SEH1L: variants seen among roughly 807,000 people sequenced by gnomAD.
SEH1L encodes the protein SEH1 like nucleoporin.
SEH1L carries 18 observed loss-of-function variants against 49.5 expected under a neutral mutation model. The ratio of observed to expected loss-of-function variants is 0.36; its 90% confidence interval spans 0.25 to 0.54. The LOEUF is 0.54. Among genes scored for constraint, SEH1L ranks in the 20% least tolerant of loss-of-function variants. The probability of loss-of-function intolerance (pLI) is 0.87; values close to 1 mark genes in which losing one functional copy is unlikely to be tolerated. For synonymous variants in SEH1L, 169 were observed against 178.1 expected, an observed-to-expected ratio of 0.95 and a Z score of 0.41; for missense variants, 404 against 528.8, an observed-to-expected ratio of 0.76 and a Z score of 2.31.
intron 2 of SEH1L, among the ~76,000 whole-genome samples, chr18:12,952,796 T>TC (rs2030623774): frequency 2.0e-5 from 3 of 150,066 alleles, no homozygotes; most frequent in Admixed American, 2.0e-4. Flanking sequence ...TTTTTTTTTT[T>TC]TTTGAGCTGG....
At chr18:12,970,093 T>C (rs1476095115) in intron 4 of SEH1L, among the ~76,000 whole-genome samples, 1 of 152,170 alleles carries the variant, frequency 6.6e-6, no homozygotes, top group Non-Finnish European at 1.5e-5. Flanking sequence ...AAGAACTAAT[T>C]TTTTTTGTCA....
At position 12,968,059 on chromosome 18, in the gene SEH1L, C is replaced by T. The variant is rs185495353; in HGVS notation, c.522-3094C>T. 2.0e-4 allele frequency among the ~76,000 whole-genome samples: 31 copies of T among 152,224 alleles called. No individual in the cohort carries two copies. The East Asian group carries it at 5.0e-3, about 25-fold the overall frequency. On this transcript the variant is annotated intron_variant, in intron 4 of 8. Transcript: ENST00000399892. Reference sequence around the variant, plus strand: ...TGTTTTCTCAAATATCAGTTCTTTTCGTGTGCCTTGGTCTTTATCTTCTGC... The same window carrying T: ...TGTTTTCTCAAATATCAGTTCTTTTTGTGTGCCTTGGTCTTTATCTTCTGC...
At chr18:12,980,737 CA>C (rs1296964919) in intron 6 of SEH1L, among the ~76,000 whole-genome samples, 13 of 54,972 alleles carry the variant, frequency 2.4e-4, no homozygotes, top group African/African-American at 3.5e-4. Flanking sequence ...GCTGGCCGGG[CA>C]GAGGGGCTCC....
intron 1 of SEH1L, 180 bp downstream of exon 1, chr18:12,948,412 C>T: frequency 4.1e-6 from 2 of 488,178 alleles, no homozygotes; most frequent in Non-Finnish European, 7.2e-6. Flanking sequence ...GGGGTCACGG[C>T]GGCCTCGCGG....
intron 3 of SEH1L, among the ~76,000 whole-genome samples, chr18:12,960,664 G>GT (rs1291758655): frequency 6.6e-6 from 1 of 152,130 alleles, no homozygotes; most frequent in African/African-American, 2.4e-5. Context: ...AATTATAAAA[G>GT]TTTTTTTGGC....
intron 8 of SEH1L, chr18:12,985,391 G>A (rs914886364): frequency 4.3e-5 from 60 of 1,403,386 alleles, no homozygotes; most frequent in Admixed American, 2.3e-4. Flanking sequence ...ACTACTAAAC[G>A]CAATCCAAAA....
intron 3 of SEH1L, among the ~76,000 whole-genome samples, chr18:12,962,660 A>G (rs2031244676): frequency 6.8e-6 from 1 of 148,066 alleles, no homozygotes; most frequent in Non-Finnish European, 1.5e-5. Flanking sequence ...TTTAGTAGAG[A>G]CGGTGTCTTG....
At chr18:12,956,495 G>T (rs2030872549) in intron 3 of SEH1L, among the ~76,000 whole-genome samples, 1 of 146,756 alleles carries the variant, frequency 6.8e-6, no homozygotes, top group Admixed American at 6.8e-5. Flanking sequence ...ATTATCCCAG[G>T]GCTTCTTTTT....
intron 8 of SEH1L, chr18:12,986,584 ATT>A (rs2032466475): frequency 1.0e-6 from 1 of 994,532 alleles, no homozygotes; most frequent in Non-Finnish European, 1.2e-6. Context: ...TCTTTGTAAC[ATT>A]TATATATATT....
At chr18:12,962,459 CTTTTTTTT>C (rs3070220) in intron 3 of SEH1L, among the ~76,000 whole-genome samples, 10 of 63,652 alleles carry the variant, frequency 1.6e-4, no homozygotes, top group South Asian at 7.1e-4. Context: ...GCATGCCTTT[CTTTTTTTT>C]TTTTTTTTTT....
At chr18:12,969,118 G>A (rs1174511962) in intron 4 of SEH1L, among the ~76,000 whole-genome samples, 2 of 149,974 alleles carry the variant, frequency 1.3e-5, no homozygotes, top group African/African-American at 5.0e-5. Flanking sequence ...GCTGAGGCAG[G>A]AGAATCATTG....
At chr18:12,969,614 G>C (rs1293445688) in intron 4 of SEH1L, among the ~76,000 whole-genome samples, 1 of 151,926 alleles carries the variant, frequency 6.6e-6, no homozygotes. Flanking sequence ...CTTGAATCCA[G>C]GAGATGGAGG....
Position 12,982,744 on chromosome 18 carries a change from ACT to A in SEH1L, c.919+72_919+73del, listed in dbSNP as rs1215469894. 4.1e-6 allele frequency: 5 copies of A among 1,220,820 alleles called. No homozygotes were observed. The South Asian group carries it at 8.4e-5, about 20-fold the overall frequency. 75.6% of individuals were successfully genotyped at this position (1,220,820 alleles called of 1,614,324 possible). A position where few individuals can be genotyped will look rare whatever the true frequency, so the allele number is the denominator to read the frequency against. On this transcript the variant is annotated intron_variant, in intron 7 of 8. Transcript: ENST00000399892. Reference sequence around the variant, plus strand: ...TCTGCAATTTTTACTTAAAATGTAAACTCTGAAATATTTTTTGAAAATGGTCT... The same window carrying A: ...TCTGCAATTTTTACTTAAAATGTAAACTGAAATATTTTTTGAAAATGGTCT...
At chr18:12,948,852 T>G (rs997851653) in intron 1 of SEH1L, 3 of 148,662 alleles carry the variant, frequency 2.0e-5, no homozygotes, top group South Asian at 4.3e-4. Context: ...TCTTTTCTTT[T>G]TTTTTTTTTT....
intron 3 of SEH1L, among the ~76,000 whole-genome samples, chr18:12,962,794 A>AT (rs1243320124): frequency 2.6e-5 from 4 of 151,942 alleles, no homozygotes; most frequent in African/African-American, 9.7e-5. Flanking sequence ...AAAGGGTCTA[A>AT]TGCTTGCAGC....
chr18:12,986,769 C>T (rs1358483508), intron 8 of SEH1L, 93 bp from the exon 9 acceptor site: 20 of 1,172,604 alleles, frequency 1.7e-5, no homozygotes, highest in Admixed American at 4.6e-5. Context: ...CTCTTTGGTT[C>T]TCTTTGTATT....
chr18:12,974,993 A>AT (rs58458627), intron 5 of SEH1L, among the ~76,000 whole-genome samples: 10,753 of 150,280 alleles, frequency 0.072, 550 homozygotes, highest in East Asian at 0.21. Flanking sequence ...TTTTATTTTT[A>AT]TTTTATTTTT....
chr18:12,985,802 T>C (rs1020741522), intron 8 of SEH1L: 1 of 943,510 alleles, frequency 1.1e-6, no homozygotes, highest in African/African-American at 1.8e-5. Context: ...TTCTTTGTAA[T>C]ATTTAAAAAA....
chr18:12,975,375 CTG>C (rs1164305255), intron 5 of SEH1L, among the ~76,000 whole-genome samples: 1 of 151,900 alleles, frequency 6.6e-6, no homozygotes, highest in African/African-American at 2.4e-5. Context: ...GCAGCATGGA[CTG>C]TACTAAGAGC....
Sources: allele counts gnomAD v4.1 joint callset (sites outside exome capture counted in the v4.1 genomes callset), GRCh38; gene constraint gnomAD v4.1.1; transcripts MANE v1.5; gene names NCBI Gene and HGNC (gene_info 2026-07-23, HGNC 2026-07-21).